SCHIP1: variants seen among roughly 807,000 people sequenced by gnomAD.
SCHIP1 encodes the protein schwannomin-interacting protein 1.
In SCHIP1, 8 loss-of-function variants were observed where a neutral mutation model predicts 29.7. The observed-to-expected ratio is 0.27, with a 90% CI of 0.16 to 0.49. SCHIP1 has a LOEUF of 0.49. SCHIP1 is among the 20% of genes least tolerant of loss of function. The probability of loss-of-function intolerance (pLI) is 0.99; values close to 1 mark genes in which losing one functional copy is unlikely to be tolerated. For synonymous variants in SCHIP1, 76 were observed against 94.9 expected, an observed-to-expected ratio of 0.80 and a Z score of 1.16; for missense variants, 193 against 294.6, an observed-to-expected ratio of 0.66 and a Z score of 2.52.
At chr3:159,830,186 G>T in the SCHIP1 span, among the ~76,000 whole-genome samples, 1 of 152,108 alleles carries the variant, frequency 6.6e-6, no homozygotes. Context: ...TCTATGTAAA[G>T]CTATATCTGG....
At chr3:159,888,530 A>G (rs769633928) in intron 4 of SCHIP1, 1 of 283,406 alleles carries the variant, frequency 3.5e-6, no homozygotes, top group Non-Finnish European at 6.6e-6. Flanking sequence ...GATATTATTG[A>G]TGTTCCTTGA....
At chr3:159,779,550 G>A in the SCHIP1 span, among the ~76,000 whole-genome samples, 2 of 151,576 alleles carry the variant, frequency 1.3e-5, no homozygotes, top group South Asian at 4.2e-4. Flanking sequence ...GCACACACCT[G>A]TAATCCCAGC....
At chr3:159,668,782 C>T in the SCHIP1 span, among the ~76,000 whole-genome samples, 24,816 of 152,090 alleles carry the variant, frequency 0.16, 5,044 homozygotes, top group African/African-American at 0.48. Context: ...CCTCTTTCTG[C>T]AGTATAGAAC....
chr3:159,444,385 A>G, the SCHIP1 span, among the ~76,000 whole-genome samples: 1 of 152,154 alleles, frequency 6.6e-6, no homozygotes, highest in African/African-American at 2.4e-5. Context: ...AGCCATTTGT[A>G]TACACAAGAA....
chr3:159,294,836 C>T, the SCHIP1 span, among the ~76,000 whole-genome samples: 1 of 152,070 alleles, frequency 6.6e-6, no homozygotes, highest in Non-Finnish European at 1.5e-5. Flanking sequence ...CTACTTGCAA[C>T]TTGAACTACT....
the SCHIP1 span, among the ~76,000 whole-genome samples, chr3:159,431,615 C>A: frequency 1.3e-5 from 2 of 151,970 alleles, no homozygotes; most frequent in Non-Finnish European, 2.9e-5. Flanking sequence ...GAGTAGGTAT[C>A]CTGGCTAAGA....
At chr3:159,346,999 G>C in the SCHIP1 span, among the ~76,000 whole-genome samples, 37 of 137,754 alleles carry the variant, frequency 2.7e-4, no homozygotes, top group African/African-American at 9.4e-4. Flanking sequence ...TCCGAGTGGA[G>C]GAATTACACT....
chr3:159,449,846 A>G, the SCHIP1 span, among the ~76,000 whole-genome samples: 1 of 152,060 alleles, frequency 6.6e-6, no homozygotes, highest in Admixed American at 6.6e-5. Flanking sequence ...AAGGGAAATG[A>G]TAAATTAAGT....
At chr3:159,863,208 C>A (rs993163559) in intron 1 of SCHIP1, among the ~76,000 whole-genome samples, 1 of 152,092 alleles carries the variant, frequency 6.6e-6, no homozygotes, top group Admixed American at 6.5e-5. Flanking sequence ...AGCGTAGTGG[C>A]GCGAGCCTGT....
the SCHIP1 span, among the ~76,000 whole-genome samples, chr3:159,492,675 C>G: frequency 6.6e-6 from 1 of 152,214 alleles, no homozygotes; most frequent in African/African-American, 2.4e-5. Context: ...GGAAAACACT[C>G]TGCAGGATAT....
chr3:159,835,191 T>C (rs1210478265), upstream of SCHIP1, among the ~76,000 whole-genome samples: 1 of 152,202 alleles, frequency 6.6e-6, no homozygotes, highest in African/African-American at 2.4e-5. Context: ...TTTTCTAACA[T>C]TTCAATTTGA....
At chr3:159,444,997 A>G in the SCHIP1 span, among the ~76,000 whole-genome samples, 1 of 152,160 alleles carries the variant, frequency 6.6e-6, no homozygotes. Context: ...CACCAAAAGC[A>G]ATGGCAACAA....
the SCHIP1 span, among the ~76,000 whole-genome samples, chr3:159,316,530 T>C: frequency 6.6e-6 from 1 of 152,322 alleles, no homozygotes; most frequent in African/African-American, 2.4e-5. Flanking sequence ...TATACAGGAT[T>C]AATACTTTGT....
exon 1 of SCHIP1, chr3:159,840,184 G>A: frequency 6.5e-7 from 1 of 1,535,774 alleles, no homozygotes; most frequent in Admixed American, 2.0e-5. Flanking sequence ...GATGCACTGA[G>A]ATGGTACATC....
chr3:159,727,924 GTT>G, the SCHIP1 span, among the ~76,000 whole-genome samples: 1 of 125,788 alleles, frequency 7.9e-6, no homozygotes. Context: ...CTTTTTTGTT[GTT>G]TTTTTTTTTG....
the SCHIP1 span, among the ~76,000 whole-genome samples, chr3:159,433,220 G>A: frequency 6.6e-6 from 1 of 152,172 alleles, no homozygotes. Flanking sequence ...CTCACATTTT[G>A]TAAGGAAAGA....
chr3:159,783,733 G>A, the SCHIP1 span, among the ~76,000 whole-genome samples: 2 of 152,162 alleles, frequency 1.3e-5, no homozygotes, highest in African/African-American at 4.8e-5. Flanking sequence ...AAGGCTCCAG[G>A]AACTTCTTGA....
At chr3:159,433,955 A>G in the SCHIP1 span, among the ~76,000 whole-genome samples, 4 of 152,158 alleles carry the variant, frequency 2.6e-5, no homozygotes, top group Non-Finnish European at 4.4e-5. Flanking sequence ...TGCTCTAGTA[A>G]CACTTGTAGT....
the SCHIP1 span, among the ~76,000 whole-genome samples, chr3:159,280,929 C>CTTAAAATATTG: frequency 6.6e-6 from 1 of 152,184 alleles, no homozygotes; most frequent in Non-Finnish European, 1.5e-5. Context: ...TGGAACAGCA[C>CTTAAAATATTG]CTCTGACTTG....
Sources: allele counts gnomAD v4.1 joint callset (sites outside exome capture counted in the v4.1 genomes callset), GRCh38; gene constraint gnomAD v4.1.1; transcripts MANE v1.5; gene names NCBI Gene and HGNC (gene_info 2026-07-23, HGNC 2026-07-21).